The following ATRNL1 variants were observed in gnomAD, a reference collection of about 807,000 sequenced individuals.
ATRNL1 encodes attractin like 1, also known as attractin-like protein 1.
In ATRNL1, 95 loss-of-function variants were observed where a neutral mutation model predicts 182.7. The ratio of observed to expected loss-of-function variants is 0.52; its 90% confidence interval spans 0.44 to 0.62. The LOEUF is 0.62. ATRNL1 is among the 20% of genes least tolerant of loss of function. The pLI is 0.00. For synonymous variants in ATRNL1, 576 were observed against 568.3 expected (o/e 1.01, Z -0.19); for missense variants, 1,471 against 1,679.5 (o/e 0.88, Z 2.17).
chr10:115,672,144 C>T (rs1159331288), intron 26 of ATRNL1, among the ~76,000 whole-genome samples: 1 of 152,018 alleles, frequency 6.6e-6, no homozygotes, highest in Non-Finnish European at 1.5e-5. Flanking sequence ...ATTACGACTA[C>T]CATTTATATA....
At chr10:115,353,382 A>G (rs554556830) in intron 19 of ATRNL1, among the ~76,000 whole-genome samples, 5 of 152,260 alleles carry the variant, frequency 3.3e-5, no homozygotes, top group African/African-American at 1.2e-4. Context: ...ACATAGGTAT[A>G]GCTATTCTTG....
intron 26 of ATRNL1, among the ~76,000 whole-genome samples, chr10:115,636,987 A>G (rs1466535400): frequency 1.3e-5 from 2 of 152,204 alleles, no homozygotes; most frequent in African/African-American, 4.8e-5. Flanking sequence ...CAGGACGATA[A>G]AAAAAGAAGA....
intron 19 of ATRNL1, among the ~76,000 whole-genome samples, chr10:115,366,166 G>A: frequency 6.6e-6 from 1 of 152,098 alleles, no homozygotes; most frequent in Non-Finnish European, 1.5e-5. Context: ...TCTCTTTGTA[G>A]GTCACTCAGG....
intron 19 of ATRNL1, among the ~76,000 whole-genome samples, chr10:115,368,530 G>A (rs1195177133): frequency 1.3e-5 from 2 of 152,062 alleles, no homozygotes; most frequent in East Asian, 1.9e-4. Context: ...GTTCCTATTC[G>A]GCCATCTTGG....
intron 27 of ATRNL1, among the ~76,000 whole-genome samples, chr10:115,838,377 G>A (rs1950728654): frequency 6.6e-6 from 1 of 152,062 alleles, no homozygotes; most frequent in African/African-American, 2.4e-5. Context: ...TTACTGACAG[G>A]TCACAGCACA....
intron 26 of ATRNL1, among the ~76,000 whole-genome samples, chr10:115,617,992 A>T (rs556615558): frequency 4.1e-4 from 62 of 152,062 alleles, no homozygotes; most frequent in African/African-American, 1.4e-3. Flanking sequence ...TTCTCATGAG[A>T]TCTGGCCTTT....
intron 26 of ATRNL1, among the ~76,000 whole-genome samples, chr10:115,650,766 G>C (rs1555034112): frequency 6.6e-6 from 1 of 152,026 alleles, no homozygotes; most frequent in African/African-American, 2.4e-5. Flanking sequence ...CTAAATAAGA[G>C]AAAGAGCTTA....
chr10:115,776,056 G>A (rs1260397598), intron 27 of ATRNL1, among the ~76,000 whole-genome samples: 1 of 152,054 alleles, frequency 6.6e-6, no homozygotes, highest in Non-Finnish European at 1.5e-5. Context: ...CACTGTTATA[G>A]GCTGTCTGCT....
chr10:115,102,714 T>C (rs1169485188), intron 1 of ATRNL1, among the ~76,000 whole-genome samples: 1 of 152,202 alleles, frequency 6.6e-6, no homozygotes, highest in Non-Finnish European at 1.5e-5. Flanking sequence ...CCCAAAATGC[T>C]AAGATTAGTA....
rs190730330 is a variant in ATRNL1, at chr10:115,531,023, G to A, written c.3716+11699G>A. On this transcript the variant is annotated intron_variant, in intron 25 of 28. Coordinates refer to ENST00000355044, the MANE Select transcript of ATRNL1 (RefSeq NM_207303.4). ...GTGCCACATTTTCTTAATCCAGTCT[G>A]TCATTATTGGACATTTGGGTTGGTT... Among the ~76,000 whole-genome samples the A allele has an allele frequency of 2.4e-4, 37 of 152,098 alleles. 1 individual carries two copies. Among genetic ancestry groups the A allele is most frequent in the Admixed American group, 4.6e-4 (7 of 15,282 alleles).
At chr10:115,641,803 A>G (rs1859264172) in intron 26 of ATRNL1, among the ~76,000 whole-genome samples, 3 of 151,906 alleles carry the variant, frequency 2.0e-5, no homozygotes, top group Non-Finnish European at 2.9e-5. Flanking sequence ...GGACAGAAAA[A>G]CAAGGTAATT....
At chr10:115,139,763 T>C (rs1845682618) in intron 5 of ATRNL1, among the ~76,000 whole-genome samples, 1 of 152,182 alleles carries the variant, frequency 6.6e-6, no homozygotes, top group Non-Finnish European at 1.5e-5. Flanking sequence ...CTATGGCTGA[T>C]AAATGGCAAC....
intron 19 of ATRNL1, among the ~76,000 whole-genome samples, chr10:115,361,052 C>A (rs1332189918): frequency 1.3e-5 from 2 of 151,924 alleles, no homozygotes; most frequent in African/African-American, 4.8e-5. Flanking sequence ...GACTTCATCA[C>A]TGTAAAGGTG....
intron 18 of ATRNL1, among the ~76,000 whole-genome samples, chr10:115,333,544 C>T (rs1465906775): frequency 6.8e-6 from 1 of 147,978 alleles, no homozygotes; most frequent in Non-Finnish European, 1.5e-5. Context: ...AGTGCACTGG[C>T]ACGATCTCGG....
At chr10:115,456,215 G>A (rs1847515687) in intron 21 of ATRNL1, among the ~76,000 whole-genome samples, 3 of 152,106 alleles carry the variant, frequency 2.0e-5, no homozygotes, top group Admixed American at 2.0e-4. Flanking sequence ...ATTCACAATA[G>A]CAAAGGCTTG....
intron 26 of ATRNL1, among the ~76,000 whole-genome samples, chr10:115,568,338 ATTATCT>A (rs1434351161): frequency 6.6e-6 from 1 of 152,110 alleles, no homozygotes; most frequent in Non-Finnish European, 1.5e-5. Flanking sequence ...AGTTAATTTA[ATTATCT>A]GAATACAGGA....
At chr10:115,111,161 A>G (rs542364200) in intron 1 of ATRNL1, among the ~76,000 whole-genome samples, 1 of 152,352 alleles carries the variant, frequency 6.6e-6, no homozygotes, top group South Asian at 2.1e-4. Flanking sequence ...TAGTAGATTA[A>G]TTTGAAAATA....
chr10:115,346,937 A>G (rs1856004321), intron 19 of ATRNL1, among the ~76,000 whole-genome samples: 2 of 152,106 alleles, frequency 1.3e-5, no homozygotes, highest in South Asian at 4.1e-4. Context: ...CTACAAATCC[A>G]TTGCCATATG....
chr10:115,839,861 T>A (rs1209214578), intron 27 of ATRNL1, among the ~76,000 whole-genome samples: 1 of 152,190 alleles, frequency 6.6e-6, no homozygotes, highest in Non-Finnish European at 1.5e-5. Context: ...ATGGTGGCCT[T>A]CTACATTAAT....
Sources: allele counts gnomAD v4.1 joint callset (sites outside exome capture counted in the v4.1 genomes callset), GRCh38; gene constraint gnomAD v4.1.1; transcripts MANE v1.5; gene names NCBI Gene and HGNC (gene_info 2026-07-23, HGNC 2026-07-21).